The following PLEC variants were observed in gnomAD, a reference collection of about 807,000 sequenced individuals.
PLEC encodes the protein hemidesmosomal protein 1.
In PLEC, 216 loss-of-function variants were observed where a neutral mutation model predicts 392.8. The observed-to-expected ratio is 0.55, with a 90% CI of 0.49 to 0.62. The LOEUF (loss-of-function observed/expected upper bound fraction) is 0.62, where lower values mean the gene tolerates loss of function less well. Among genes scored for constraint, PLEC ranks in the 20% least tolerant of loss-of-function variants. The probability of loss-of-function intolerance (pLI) is 0.00; values close to 1 mark genes in which losing one functional copy is unlikely to be tolerated. For synonymous variants in PLEC, 3,621 were observed against 2,980.6 expected (o/e 1.21, Z -7.00); for missense variants, 6,863 against 6,563.4 (o/e 1.05, Z -1.58).
At position 143,973,287 on chromosome 8, in the gene PLEC, G is replaced by A; in HGVS notation, c.70+116C>T. On this transcript the variant is annotated intron_variant, in intron 1 of 31. Coordinates refer to the PLEC transcript ENST00000356346. The surrounding 1 kb of genome is among the most constrained non-coding windows in gnomAD (Gnocchi z 5.6). ...GTTGGGGGCGATCCAGGCGGACGAG[G>A]CCGGCGGAGTGGCCGCGCTCGGGCC... 7.6e-7 allele frequency: 1 copy of A among 1,318,088 alleles called. No homozygotes were observed. The highest frequency in any genetic ancestry group is 1.0e-6 in the Non-Finnish European group (1 of 960,394). 81.6% of individuals were successfully genotyped at this position (1,318,088 alleles called of 1,614,324 possible). A position where few individuals can be genotyped will look rare whatever the true frequency, so the allele number is the denominator to read the frequency against.
At position 143,925,875 on chromosome 8, in the gene PLEC, C is replaced by A; in HGVS notation, c.4054G>T (p.Glu1352Ter). Reference sequence around the variant, plus strand: ...TCGCGCTCCTCTGCCCGCTGCTGCTCAGCCAGCCTCTGTGGCCACAGCAGA... The same window carrying A: ...TCGCGCTCCTCTGCCCGCTGCTGCTAAGCCAGCCTCTGTGGCCACAGCAGA... ...RRMEEEERLA[E>*]QQRAEERERL... The change falls in exon 31 of 32, where the codon GAG (glutamate) becomes TAG (stop). Residue 1352 changes from glutamate (E) to a stop codon, truncating the protein, a stop_gained. Coordinates refer to ENST00000345136, the MANE Select transcript of PLEC (RefSeq NM_201384.3). LOFTEE classifies it high-confidence loss of function. 6.5e-7 allele frequency: 1 copy of A among 1,545,128 alleles called. No homozygotes were observed. The highest frequency in any genetic ancestry group is 8.7e-7 in the Non-Finnish European group (1 of 1,151,694).
intron 1 of PLEC, among the ~76,000 whole-genome samples, chr8:143,965,938 C>T (rs547336492): frequency 6.6e-6 from 1 of 152,296 alleles, no homozygotes; most frequent in East Asian, 1.9e-4. Context: ...GAGGCTGTGA[C>T]CTGCTGCGGC....
At position 143,921,766 on chromosome 8, in the gene PLEC, C is replaced by A. The variant is rs376694504; in HGVS notation, c.8055G>T (p.Arg2685=). Residue 2685 remains arginine (R), a synonymous_variant, in exon 32 of 32, where the codon CGG becomes CGT. Transcript: ENST00000345136. ...GHTTVDELAR[R]EDVRHYLQGR... is the part of the protein sequence containing the mutation. ...CCTGCAGGTAGTGGCGCACGTCTTCCCGCCGTGCGAGCTCGTCCACCGTGG... is the reference window on the plus strand; with the variant it reads ...CCTGCAGGTAGTGGCGCACGTCTTCACGCCGTGCGAGCTCGTCCACCGTGG... 23 of 1,612,016 alleles carry A rather than the reference C, an allele frequency of 1.4e-5. No homozygotes were observed. The highest frequency in any genetic ancestry group is 1.3e-4 in the South Asian group (12 of 91,084).
At position 143,918,575 on chromosome 8, in the gene PLEC, C is replaced by T. The variant is rs781826150; in HGVS notation, c.11246G>A (p.Arg3749Gln). ...CAGCTCGGGCCCCACGAGGCCCTTC[C>T]GCACAGCCTCATCCACAGTCAGCCG... is the stretch of plus-strand genomic sequence containing the variant. ...GERLTVDEAV[R>Q]KGLVGPELHD... Residue 3749 changes from arginine to glutamine, a missense_variant, in exon 32 of 32, where the codon CGG becomes CAG. Arg to Gln is a conservative substitution (Grantham distance 43). Coordinates refer to ENST00000345136, the MANE Select transcript of PLEC (RefSeq NM_201384.3). 1.4e-5 allele frequency: 23 copies of T among 1,611,728 alleles called. No individual in the cohort carries two copies. The highest frequency in any genetic ancestry group is 6.7e-5 in the East Asian group (3 of 44,858).
At chr8:143,975,243 C>T (rs553320718), upstream of PLEC, 26 of 1,607,436 alleles carry the variant, frequency 1.6e-5, no homozygotes, top group African/African-American at 1.5e-4. The surrounding 1 kb of genome is among the most constrained non-coding windows in gnomAD (Gnocchi z 9.9). Context: ...GCGCCACCCC[C>T]GCTGCGCCGG....
At chr8:143,971,601 A>C (rs899134172) in intron 1 of PLEC, among the ~76,000 whole-genome samples, 5 of 152,178 alleles carry the variant, frequency 3.3e-5, no homozygotes, top group Admixed American at 2.0e-4. Context: ...CGTGGCTCCC[A>C]GACACAGGTA....
intron 22 of PLEC, 40 bp downstream of exon 22, chr8:143,929,896 C>T (rs1554712300): frequency 1.2e-6 from 2 of 1,604,484 alleles, no homozygotes; most frequent in Non-Finnish European, 8.5e-7. Context: ...CCTCTCCCCT[C>T]CTCCCACCCA....
At chr8:143,956,958 C>CGGGCCGCAGGCAGCCAGCACA (rs1398587696), upstream of PLEC, among the ~76,000 whole-genome samples, 1 of 152,190 alleles carries the variant, frequency 6.6e-6, no homozygotes, top group Non-Finnish European at 1.5e-5. Flanking sequence ...TATGTGGGGA[C>CGGGCCGCAGGCAGCCAGCACA]GGGCCGCAGG....
At chr8:143,953,846 C>A, upstream of PLEC, 4 of 1,588,088 alleles carry the variant, frequency 2.5e-6, no homozygotes, top group Non-Finnish European at 3.4e-6. Context: ...CCCAGGCCAG[C>A]GCCGCAGCCG....
intron 3 of PLEC, 41 bp from the exon 4 acceptor site, chr8:143,937,283 C>G: frequency 6.6e-7 from 1 of 1,504,850 alleles, no homozygotes; most frequent in Non-Finnish European, 9.2e-7. Context: ...GCAGCTGCAG[C>G]TCCCGGGCCC....
chr8:143,940,051 C>T (rs560104608), upstream of PLEC, among the ~76,000 whole-genome samples: 5 of 152,324 alleles, frequency 3.3e-5, no homozygotes, highest in South Asian at 4.1e-4. Flanking sequence ...TGATACCTGG[C>T]GAGGGGAGGG....
At position 143,935,199 on chromosome 8, in the gene PLEC, C is replaced by A; in HGVS notation, c.717G>T (p.Glu239Asp). 6.2e-7 allele frequency: 1 copy of A among 1,612,572 alleles called. No individual in the cohort carries two copies. Residue 239 changes from glutamate to aspartate, a missense_variant and splice_region_variant, in exon 7 of 32, where the codon GAG becomes GAT. Glu to Asp is a conservative substitution (Grantham distance 45, BLOSUM62 2). Coordinates refer to ENST00000345136, the MANE Select transcript of PLEC (RefSeq NM_201384.3). ...GGGAGGAAGGCCACGCAGACGTACCCTCAGGGTCCAGGAGCCGCGTCACTC... is the reference window on the plus strand; with the variant it reads ...GGGAGGAAGGCCACGCAGACGTACCATCAGGGTCCAGGAGCCGCGTCACTC... ...DLGVTRLLDP[E>D]DVDVPQPDEK...
At position 143,923,928 on chromosome 8, in the gene PLEC, C is replaced by T. The variant is rs535202853; in HGVS notation, c.6001G>A (p.Ala2001Thr). 69 of 1,594,630 alleles carry T rather than the reference C, an allele frequency of 4.3e-5. No homozygotes were observed. The highest frequency in any genetic ancestry group is 1.7e-4 in the Middle Eastern group (1 of 5,774). Reference protein sequence around the residue: ...QKSLAAEEEAARQRKAALEEV... With the variant: ...QKSLAAEEEATRQRKAALEEV... Reference sequence around the variant, plus strand: ...TCCAGCGCCGCCTTCCGCTGCCGTGCGGCCTCCTCCTCGGCCGCCAGGCTC... The same window carrying T: ...TCCAGCGCCGCCTTCCGCTGCCGTGTGGCCTCCTCCTCGGCCGCCAGGCTC... Residue 2001 changes from alanine to threonine, a missense_variant, in exon 31 of 32, where the codon GCA (alanine) becomes ACA (threonine). Transcript: ENST00000345136.
intron 1 of PLEC, among the ~76,000 whole-genome samples, chr8:143,968,396 C>T (rs1325147126): frequency 6.6e-6 from 1 of 151,532 alleles, no homozygotes; most frequent in Non-Finnish European, 1.5e-5. Context: ...ATGGCGAAGC[C>T]CCATCTCTAC....
Position 143,926,890 on chromosome 8 carries a change from G to A in PLEC, c.3946-8C>T, listed in dbSNP as rs2131573795. ...CGTACGCAGGTCCACGTACTGTGGA[G>A]TAGAGCCAGGGTTAGCCCTGCGAGA... is the stretch of plus-strand genomic sequence containing the variant. On this transcript the variant is annotated splice_region_variant and splice_polypyrimidine_tract_variant and intron_variant, in intron 29 of 31. Transcript: ENST00000345136. 1 of 1,610,324 alleles carries A rather than the reference G, an allele frequency of 6.2e-7. No individual in the cohort carries two copies. Among genetic ancestry groups the A allele is most frequent in the Non-Finnish European group, 8.5e-7 (1 of 1,176,918 alleles).
chr8:143,958,600 A>G, upstream of PLEC: 1 of 437,610 alleles, frequency 2.3e-6, no homozygotes, highest in Non-Finnish European at 4.7e-6. The surrounding 1 kb of genome is among the most constrained non-coding windows in gnomAD (Gnocchi z 4.9). Context: ...CTCACCTCCA[A>G]GCACTGGACA....
chr8:143,931,384 C>T, intron 19 of PLEC, 150 bp downstream of exon 19: 1 of 675,102 alleles, frequency 1.5e-6, no homozygotes, highest in East Asian at 2.9e-5. Context: ...CATCCTGCCT[C>T]ATTCCCGCTT....
chr8:143,934,488 G>C (rs1428924851), intron 10 of PLEC, 43 bp from the exon 11 acceptor site: 1 of 1,608,002 alleles, frequency 6.2e-7, no homozygotes, highest in Non-Finnish European at 8.5e-7. Flanking sequence ...GCAGGGGGCA[G>C]GGGGTGGGGC....
At chr8:143,976,039 C>G (rs1394531100), upstream of PLEC, among the ~76,000 whole-genome samples, 1 of 152,220 alleles carries the variant, frequency 6.6e-6, no homozygotes, top group African/African-American at 2.4e-5. Context: ...GACTCCCCAT[C>G]ACGCCACCCC....
Sources: allele counts gnomAD v4.1 joint callset (sites outside exome capture counted in the v4.1 genomes callset), GRCh38; gene constraint gnomAD v4.1.1; non-coding constraint Gnocchi (gnomAD v3.1); transcripts MANE v1.5; gene names NCBI Gene and HGNC (gene_info 2026-07-23, HGNC 2026-07-21).